SPTAN1: variants seen among roughly 807,000 people sequenced by gnomAD.
SPTAN1 encodes the protein spectrin alpha chain, non-erythrocytic 1.
In SPTAN1, 61 loss-of-function variants were observed where a neutral mutation model predicts 331.3. The ratio of observed to expected loss-of-function variants is 0.18; its 90% CI spans 0.15 to 0.23. The LOEUF is 0.23. Ranked by LOEUF, SPTAN1 falls within the 10% of genes least tolerant of loss-of-function variation. The pLI, the probability that SPTAN1 is intolerant of heterozygous loss-of-function variation, is 1.00. For missense variants in SPTAN1, 2,043 were observed against 3,147.9 expected (o/e 0.65, Z 8.40); for synonymous variants, 1,153 against 1,173.9 (o/e 0.98, Z 0.36).
intron 31 of SPTAN1, among the ~76,000 whole-genome samples, chr9:128,605,701 A>G (rs1855743684): frequency 6.6e-6 from 1 of 152,172 alleles, no homozygotes; most frequent in Non-Finnish European, 1.5e-5. Context: ...TAATTTAAAA[A>G]TCAAAAACGG....
At position 128,607,965 on chromosome 9, in the gene SPTAN1, T is replaced by G. The variant is rs146150071; in HGVS notation, c.4260T>G (p.Leu1420=). Reference sequence around the variant, plus strand: ...CCAGCCCTGAGATCAAGCAGAAACTTGATATTCTTGACCAGGAGCGTGCAG... The same window carrying G: ...CCAGCCCTGAGATCAAGCAGAAACTGGATATTCTTGACCAGGAGCGTGCAG... ...HYASPEIKQK[L]DILDQERADL... Residue 1420 remains leucine, a synonymous_variant, in exon 33 of 57, where the codon CTT becomes CTG. Transcript: ENST00000372739. 51 of 1,613,948 alleles carry G rather than the reference T, an allele frequency of 3.2e-5. No homozygotes were observed. In the African/African-American group the frequency reaches 6.7e-4, roughly 21 times the overall value.
intron 2 of SPTAN1, among the ~76,000 whole-genome samples, chr9:128,568,151 C>T (rs1850255719): frequency 1.3e-5 from 2 of 152,146 alleles, no homozygotes; most frequent in South Asian, 4.1e-4. Flanking sequence ...GCAAGTGGAA[C>T]AGTAGTTGGG....
rs750100416 is a variant in SPTAN1 at position 128,577,626 on chromosome 9, C to G, written c.1085+120C>G. ...AAGTGTCAGGTATCACCTACAAATG[C>G]AAATCACTTCTTACCTATGTTCTCT... On this transcript the variant is annotated intron_variant, in intron 8 of 56. Coordinates refer to ENST00000372739, the MANE Select transcript of SPTAN1 (RefSeq NM_001130438.3). This position sits in a 1 kb window ranked among gnomAD's most constrained non-coding sequence, Gnocchi z 4.2. 3.0e-6 allele frequency: 4 copies of G among 1,312,510 alleles called. No individual in the cohort carries two copies. Among genetic ancestry groups the G allele is most frequent in the Non-Finnish European group, 4.3e-6 (4 of 920,248 alleles). 81.3% of individuals were successfully genotyped at this position (1,312,510 alleles called of 1,614,324 possible). A position where few individuals can be genotyped will look rare whatever the true frequency, so the allele number is the denominator to read the frequency against.
intron 21 of SPTAN1, among the ~76,000 whole-genome samples, chr9:128,589,435 C>CCTG (rs1554749897): frequency 5.3e-5 from 8 of 151,398 alleles, no homozygotes; most frequent in African/African-American, 7.3e-5. Context: ...ACTACAGGCG[C>CCTG]CCACCACTGC....
intron 21 of SPTAN1, 77 bp downstream of exon 21, chr9:128,589,020 G>T: frequency 1.3e-6 from 2 of 1,578,148 alleles, no homozygotes; most frequent in South Asian, 2.3e-5. Flanking sequence ...TCTGTGGGTT[G>T]CATGTCTCCC....
Position 128,627,372 on chromosome 9 carries a change from C to A in SPTAN1, c.6577-14C>A, listed in dbSNP as rs540922784. 1.4e-5 allele frequency: 22 copies of A among 1,549,502 alleles called. No individual in the cohort carries two copies. Among genetic ancestry groups the A allele is most frequent in the South Asian group, 3.6e-5 (3 of 84,018 alleles). The stretch of plus-strand genomic sequence containing the variant: ...CACAGCAGCGCACAGCATCTGCCCC[C>A]CTTTGGCCCTCAGGAGAGGGAGCTG... On this transcript the variant is annotated splice_polypyrimidine_tract_variant and intron_variant, in intron 49 of 56. Transcript: ENST00000372739. The surrounding 1 kb of genome is among the most constrained non-coding windows in gnomAD (Gnocchi z 4.9).
At chr9:128,620,355 C>T (rs1857687393) in intron 44 of SPTAN1, among the ~76,000 whole-genome samples, 1 of 152,200 alleles carries the variant, frequency 6.6e-6, no homozygotes, top group Non-Finnish European at 1.5e-5. Flanking sequence ...ATTTCCCATC[C>T]TCTGCATAGT....
At chr9:128,589,833 C>T (rs1853233115) in intron 21 of SPTAN1, among the ~76,000 whole-genome samples, 3 of 152,108 alleles carry the variant, frequency 2.0e-5, no homozygotes, top group Admixed American at 2.0e-4. Context: ...CCTCAGCCTC[C>T]CAAAGTGCTG....
intron 10 of SPTAN1, among the ~76,000 whole-genome samples, chr9:128,580,601 A>C (rs532777504): frequency 6.6e-6 from 1 of 152,214 alleles, no homozygotes; most frequent in South Asian, 2.1e-4. Flanking sequence ...TACTCCATTT[A>C]TACTCCATTA....
intron 3 of SPTAN1, 92 bp downstream of exon 3, chr9:128,568,989 T>C: frequency 6.4e-7 from 1 of 1,566,202 alleles, no homozygotes; most frequent in Non-Finnish European, 8.8e-7. Flanking sequence ...CCCAAAAAGA[T>C]AGACTTTTCC....
intron 1 of SPTAN1, among the ~76,000 whole-genome samples, chr9:128,559,768 T>C (rs1849076447): frequency 6.6e-6 from 1 of 152,120 alleles, no homozygotes; most frequent in Admixed American, 6.6e-5. Context: ...CTCTTGCTTT[T>C]TCGTCGCCCA....
At chr9:128,566,608 G>T in intron 1 of SPTAN1, 130 bp from the exon 2 acceptor site, 2 of 1,364,740 alleles carry the variant, frequency 1.5e-6, no homozygotes, top group East Asian at 4.7e-5. Context: ...TCCTAAGAAG[G>T]GGCTGTCTTC....
At chr9:128,622,293 CTTTTT>C (rs35122170) in intron 45 of SPTAN1, among the ~76,000 whole-genome samples, 11 of 91,512 alleles carry the variant, frequency 1.2e-4, no homozygotes, top group African/African-American at 2.8e-4. Context: ...GAGCCAGCTG[CTTTTT>C]TTTTTTTTTT....
At chr9:128,615,464 TTA>T (rs1390460091) in intron 40 of SPTAN1, among the ~76,000 whole-genome samples, 166 bp from the exon 41 acceptor site, 1 of 152,126 alleles carries the variant, frequency 6.6e-6, no homozygotes, top group South Asian at 2.1e-4. Context: ...TAATAATGTC[TTA>T]TAATGTTATG....
At chr9:128,630,167 G>T in intron 51 of SPTAN1, 154 bp from the exon 52 acceptor site, 1 of 825,782 alleles carries the variant, frequency 1.2e-6, no homozygotes, top group South Asian at 1.3e-5. Flanking sequence ...GATCCCTGGG[G>T]CCCATTAGGT....
chr9:128,587,770 C>A (rs933684204), intron 20 of SPTAN1, 72 bp downstream of exon 20: 1 of 1,232,088 alleles, frequency 8.1e-7, no homozygotes. Flanking sequence ...GCAGGTGTTC[C>A]TATCATAGGC....
intron 26 of SPTAN1, chr9:128,599,230 G>A: frequency 4.0e-6 from 2 of 501,766 alleles, no homozygotes; most frequent in South Asian, 4.0e-5. Context: ...CACCTCCCAG[G>A]TTCAAGCGAT....
Position 128,583,137 on chromosome 9 carries a change from G to C in SPTAN1, c.1867G>C (p.Ala623Pro). The C allele has an allele frequency of 6.2e-7, 1 of 1,614,194 alleles. No homozygotes were observed. The highest frequency in any genetic ancestry group is 2.2e-5 in the East Asian group (1 of 44,880). ...TCAGGCTTTTGAGGCTGAGCTCTCA[G>C]CAAACCAGAGCCGAATTGATGCCTT... ...KHQAFEAELS[A>P]NQSRIDALEK... is the part of the protein sequence containing the mutation. The change falls in exon 15 of 57, where the codon GCA (alanine) becomes CCA (proline). Residue 623 changes from alanine (A) to proline (P), a missense_variant. Physicochemically the swap from Ala to Pro is conservative, Grantham distance 27. Coordinates refer to ENST00000372739, the MANE Select transcript of SPTAN1 (RefSeq NM_001130438.3).
At chr9:128,560,438 G>T (rs1849181644) in intron 1 of SPTAN1, among the ~76,000 whole-genome samples, 1 of 149,090 alleles carries the variant, frequency 6.7e-6, no homozygotes, top group African/African-American at 2.5e-5. Flanking sequence ...TGGAGTGCAG[G>T]GGCTTGATCT....
Sources: allele counts gnomAD v4.1 joint callset (sites outside exome capture counted in the v4.1 genomes callset), GRCh38; gene constraint gnomAD v4.1.1; non-coding constraint Gnocchi (gnomAD v3.1); transcripts MANE v1.5; gene names NCBI Gene and HGNC (gene_info 2026-07-23, HGNC 2026-07-21).